RBM12: variants seen among roughly 807,000 people sequenced by gnomAD.
RBM12 encodes RNA binding motif protein 12, also known as RNA-binding protein 12.
Under a neutral mutation model 37.2 loss-of-function variants are expected in RBM12, and 24 were observed. That is an observed-to-expected ratio of 0.65 (90% CI 0.47 to 0.91). The LOEUF (loss-of-function observed/expected upper bound fraction) is 0.91. Ranked by LOEUF, RBM12 falls within the 40% of genes least tolerant of loss-of-function variation. RBM12 has a pLI of 0.00. For missense variants in RBM12, 1,061 were observed against 1,183.2 expected (o/e 0.90, Z 1.52); for synonymous variants, 420 against 425.2 (o/e 0.99, Z 0.15).
intron 2 of RBM12, among the ~76,000 whole-genome samples, chr20:35,656,702 G>A (rs914149983): frequency 1.3e-5 from 2 of 151,914 alleles, no homozygotes; most frequent in Non-Finnish European, 2.9e-5. Flanking sequence ...GCCTGGCTAA[G>A]TGTTTGTATT....
intron 1 of RBM12, among the ~76,000 whole-genome samples, chr20:35,661,342 T>G (rs769870524): frequency 6.6e-6 from 1 of 152,252 alleles, no homozygotes; most frequent in Non-Finnish European, 1.5e-5. Context: ...AGCGACTGAA[T>G]GCAGGATTTC....
chr20:35,649,710 A>G lies in RBM12; in HGVS notation c.*2814T>C, dbSNP rs577562372. On this transcript the variant is annotated 3_prime_UTR_variant, in exon 3 of 3. Coordinates refer to ENST00000374114, the MANE Select transcript of RBM12 (RefSeq NM_006047.6). ...ACAAATTTGCTTATTTATGACATAC[A>G]TTTGTAGATTTCTCTAATCCTTTAA... 1.5e-3 allele frequency: 232 copies of G among 152,702 alleles called. No individual in the cohort carries two copies. Among genetic ancestry groups the G allele is most frequent in the Non-Finnish European group, 2.6e-3 (179 of 67,992 alleles). 9.5% of individuals were successfully genotyped at this position (152,702 alleles called of 1,614,324 possible).
At position 35,652,433 on chromosome 20, in the gene RBM12, C is replaced by T; in HGVS notation, c.*91G>A. On this transcript the variant is annotated 3_prime_UTR_variant, in exon 3 of 3. Coordinates refer to ENST00000374114, the MANE Select transcript of RBM12 (RefSeq NM_006047.6). Reference sequence around the variant, plus strand: ...AGCTATATGCAATTGAAACAATCCACAGGTTCTAACCTGGAAATACTAGGA... The same window carrying T: ...AGCTATATGCAATTGAAACAATCCATAGGTTCTAACCTGGAAATACTAGGA... 2 of 1,424,384 alleles carry T rather than the reference C, an allele frequency of 1.4e-6. No homozygotes were observed. Among genetic ancestry groups the T allele is most frequent in the South Asian group, 2.8e-5 (2 of 72,644 alleles). The allele number at this position is 1,424,384 out of a possible 1,614,324, so 88.2% of individuals were successfully genotyped here.
chr20:35,663,273 T>C (rs981002318), intron 1 of RBM12, among the ~76,000 whole-genome samples: 5 of 152,220 alleles, frequency 3.3e-5, no homozygotes, highest in Admixed American at 3.3e-4. Context: ...AAAACAAGAT[T>C]TCCCTATGTG....
chr20:35,653,525 T>TA lies in RBM12; in HGVS notation c.1797dup (p.Lys600Ter). 6.2e-7 allele frequency: 1 copy of TA among 1,614,232 alleles called. No homozygotes were observed. Among genetic ancestry groups the TA allele is most frequent in the Non-Finnish European group, 8.5e-7 (1 of 1,180,044 alleles). Reference sequence around the variant, plus strand: ...TTTTTACGGTGTAAGCGTTCAGACTTACGTGCATCATCTTCATTTTTAAAC... The same window carrying TA: ...TTTTTACGGTGTAAGCGTTCAGACTTAACGTGCATCATCTTCATTTTTAAAC... On this transcript the variant is annotated frameshift_variant, in exon 3 of 3. Transcript: ENST00000374114. LOFTEE classifies it high-confidence loss of function.
rs1469571969 is a variant in RBM12 at position 35,654,296 on chromosome 20, T to C, written c.1027A>G (p.Asn343Asp). The change falls in exon 3 of 3, where the codon AAT becomes GAT. Residue 343 changes from asparagine (N) to aspartate (D), a missense_variant. Asn to Asp is a conservative substitution (Grantham distance 23). This residue lies in a region of RBM12 where 540 missense variants were observed against 632.7 expected (regional missense o/e 0.85). Transcript: ENST00000374114. ...HLLKDHVGRN[N>D]GNGLVKFLSP... The stretch of plus-strand genomic sequence containing the variant: ...AGAAACTTAACCAATCCATTCCCAT[T>C]ATTTCGACCTACATGATCTTTCAAC... 1 of 1,614,036 alleles carries C rather than the reference T, an allele frequency of 6.2e-7. No individual in the cohort carries two copies. Among genetic ancestry groups the C allele is most frequent in the Non-Finnish European group, 8.5e-7 (1 of 1,180,036 alleles).
At chr20:35,663,064 A>AAC (rs1333937308) in intron 1 of RBM12, among the ~76,000 whole-genome samples, 1 of 152,222 alleles carries the variant, frequency 6.6e-6, no homozygotes, top group Non-Finnish European at 1.5e-5. Flanking sequence ...GTTTTGTATA[A>AAC]ACACGCCAAA....
chr20:35,652,375 A>G lies in RBM12; in HGVS notation c.*149T>C. ...ATCCTGGTGAGTGAGTCTTCTGTAA[A>G]CAGTCAACCAATGCTCTATGTTATG... On this transcript the variant is annotated 3_prime_UTR_variant, in exon 3 of 3. Transcript: ENST00000374114. The G allele has an allele frequency of 1.2e-6, 1 of 863,264 alleles. No individual in the cohort carries two copies. Among genetic ancestry groups the G allele is most frequent in the Non-Finnish European group, 1.8e-6 (1 of 566,080 alleles). 53.5% of individuals were successfully genotyped at this position (863,264 alleles called of 1,614,324 possible).
chr20:35,655,034 T>C lies in RBM12; in HGVS notation c.289A>G (p.Ile97Val). The C allele has an allele frequency of 6.2e-7, 1 of 1,614,176 alleles. No homozygotes were observed. Among genetic ancestry groups the C allele is most frequent in the Non-Finnish European group, 8.5e-7 (1 of 1,180,034 alleles). Residue 97 changes from isoleucine to valine, a missense_variant, in exon 3 of 3, where the codon ATA becomes GTA. Physicochemically the swap from Ile to Val is conservative, Grantham distance 29 (BLOSUM62 3). Coordinates refer to ENST00000374114, the MANE Select transcript of RBM12 (RefSeq NM_006047.6). The stretch of plus-strand genomic sequence containing the variant: ...GATCTACTGGCATTTGCTGGTGGTA[T>C]ATCTAAGTTGGCAGTTTCAAAACGC... ...RRRFETANLDIPPANASRSGP... is the reference protein window; with the variant it reads ...RRRFETANLDVPPANASRSGP...
intron 1 of RBM12, among the ~76,000 whole-genome samples, chr20:35,660,502 A>C (rs1401653659): frequency 6.6e-6 from 1 of 152,224 alleles, no homozygotes; most frequent in African/African-American, 2.4e-5. Flanking sequence ...TACAGGTGTG[A>C]GCCACCACGC....
rs781317607 is a variant in RBM12 at position 35,651,254 on chromosome 20, G to A, written c.*1270C>T. 7.2e-5 allele frequency: 11 copies of A among 152,156 alleles called. No homozygotes were observed. The highest frequency in any genetic ancestry group is 1.5e-4 in the Non-Finnish European group (10 of 68,028). The allele number at this position is 152,156 out of a possible 1,614,324, so 9.4% of individuals were successfully genotyped here. On this transcript the variant is annotated 3_prime_UTR_variant, in exon 3 of 3. Transcript: ENST00000374114. ...TGTAAGGCAAGTGTTTTCATGACAA[G>A]GACACTTACCAACCAGAACTCATGT...
rs1319915889 is a variant in RBM12 at position 35,652,835 on chromosome 20, C to T, written c.2488G>A (p.Gly830Ser). 5 of 1,607,082 alleles carry T rather than the reference C, an allele frequency of 3.1e-6. No individual in the cohort carries two copies. Among genetic ancestry groups the T allele is most frequent in the East Asian group, 2.2e-5 (1 of 44,840 alleles). Residue 830 changes from glycine (G) to serine (S), a missense_variant, in exon 3 of 3, where the codon GGC becomes AGC. Gly to Ser is a moderately conservative substitution (Grantham distance 56, BLOSUM62 0). Transcript: ENST00000374114. The stretch of plus-strand genomic sequence containing the variant: ...ATTGGGCCAGGGCCGGGGCCGGGGC[C>T]GGGGCCAGGCCCAAAAGCTGGTGGC... The part of the protein sequence containing the change: ...GGPPAFGPGP[G>S]PGPGPGPIHI...
chr20:35,655,234 T>G lies in RBM12; in HGVS notation c.89A>C (p.Asp30Ala). 6.2e-7 allele frequency: 1 copy of G among 1,613,856 alleles called. No individual in the cohort carries two copies. Among genetic ancestry groups the G allele is most frequent in the East Asian group, 2.2e-5 (1 of 44,876 alleles). ...ACCCCCTACAATATGCACGCCCCCA[T>G]CAGGAATGGTCAATCCAGAGAAGAA... The part of the protein sequence containing the change: ...RHFFSGLTIP[D>A]GGVHIVGGEL... The change falls in exon 3 of 3, where the codon GAT becomes GCT. Residue 30 changes from aspartate (D) to alanine (A), a missense_variant. Asp to Ala is a moderately radical substitution (Grantham distance 126, BLOSUM62 -2). Coordinates refer to ENST00000374114, the MANE Select transcript of RBM12 (RefSeq NM_006047.6).
At chr20:35,663,083 T>C (rs1479320582) in intron 1 of RBM12, among the ~76,000 whole-genome samples, 4 of 152,206 alleles carry the variant, frequency 2.6e-5, no homozygotes, top group Admixed American at 2.6e-4. Context: ...AACATTTCAC[T>C]TTCTTCATAA....
Position 35,652,490 on chromosome 20 carries a change from T to G in RBM12, c.*34A>C, listed in dbSNP as rs749908517. Reference sequence around the variant, plus strand: ...TCTGGATGCATTAATCACAGCAATATGAAGATCTACCCTATAAAAAATGAT... The same window carrying G: ...TCTGGATGCATTAATCACAGCAATAGGAAGATCTACCCTATAAAAAATGAT... On this transcript the variant is annotated 3_prime_UTR_variant, in exon 3 of 3. Coordinates refer to ENST00000374114, the MANE Select transcript of RBM12 (RefSeq NM_006047.6). 6.4e-7 allele frequency: 1 copy of G among 1,572,618 alleles called. No homozygotes were observed. The highest frequency in any genetic ancestry group is 1.2e-5 in the South Asian group (1 of 85,408).
chr20:35,663,720 A>G (rs985800633), intron 1 of RBM12, among the ~76,000 whole-genome samples: 1 of 152,154 alleles, frequency 6.6e-6, no homozygotes, highest in Admixed American at 6.6e-5. Flanking sequence ...ATTTGTCACT[A>G]TAAAGCACAC....
Position 35,653,338 on chromosome 20 carries a change from A to G in RBM12, c.1985T>C (p.Leu662Pro), listed in dbSNP as rs774044543. The G allele has an allele frequency of 6.2e-7, 1 of 1,613,924 alleles. No individual in the cohort carries two copies. The highest frequency in any genetic ancestry group is 8.5e-7 in the Non-Finnish European group (1 of 1,179,880). Residue 662 changes from leucine (L) to proline (P), a missense_variant, in exon 3 of 3, where the codon CTG becomes CCG. Leu to Pro is a moderately conservative substitution (Grantham distance 98). This residue lies in a region of RBM12 where 517 missense variants were observed against 534.0 expected (regional missense o/e 0.97). Coordinates refer to ENST00000374114, the MANE Select transcript of RBM12 (RefSeq NM_006047.6). ...MPNAGLPGVG[L>P]PSAGLPGAGL... ...TGCACCGGGAAGTCCTGCACTGGGC[A>G]GTCCCACACCGGGCAGTCCCGCATT...
In RBM12 at chr20:35,653,518, T is replaced by C; in HGVS notation, c.1805A>G (p.Glu602Gly). 1 of 1,614,248 alleles carries C rather than the reference T, an allele frequency of 6.2e-7. No individual in the cohort carries two copies. The highest frequency in any genetic ancestry group is 8.5e-7 in the Non-Finnish European group (1 of 1,180,046). ...FKNEDDARKS[E>G]RLHRKKLNGR... ...ATTAAGTTTTTTACGGTGTAAGCGTTCAGACTTACGTGCATCATCTTCATT... is the reference window on the plus strand; with the variant it reads ...ATTAAGTTTTTTACGGTGTAAGCGTCCAGACTTACGTGCATCATCTTCATT... Residue 602 changes from glutamate (E) to glycine (G), a missense_variant, in exon 3 of 3, where the codon GAA becomes GGA. Physicochemically the swap from Glu to Gly is moderately conservative, Grantham distance 98. Coordinates refer to ENST00000374114, the MANE Select transcript of RBM12 (RefSeq NM_006047.6).
At chr20:35,662,507 T>G (rs972708904) in intron 1 of RBM12, among the ~76,000 whole-genome samples, 1 of 152,224 alleles carries the variant, frequency 6.6e-6, no homozygotes, top group African/African-American at 2.4e-5. Context: ...TAAGCACTTG[T>G]GGGCCAGACA....
Sources: allele counts gnomAD v4.1 joint callset (sites outside exome capture counted in the v4.1 genomes callset), GRCh38; gene constraint gnomAD v4.1.1; regional missense constraint gnomAD v4.1.1; transcripts MANE v1.5; gene names NCBI Gene and HGNC (gene_info 2026-07-23, HGNC 2026-07-21).